NLGN1: variants seen among roughly 807,000 people sequenced by gnomAD.
NLGN1 encodes neuroligin-1.
A neutral mutation model predicts 65.5 loss-of-function variants in NLGN1; 12 were observed. That is an observed-to-expected ratio of 0.18 (90% confidence interval 0.12 to 0.30). The LOEUF is 0.30. Among genes scored for constraint, NLGN1 ranks in the 10% least tolerant of loss-of-function variants. The pLI is 1.00. For synonymous variants in NLGN1, 350 were observed against 359.5 expected, an observed-to-expected ratio of 0.97 and a Z score of 0.30; for missense variants, 750 against 1,007.1, an observed-to-expected ratio of 0.74 and a Z score of 3.46.
In NLGN1 at chr3:174,049,328, A is replaced by G. The variant is rs143508151; in HGVS notation, c.647-225987A>G. 6.3e-3 allele frequency among the ~76,000 whole-genome samples: 960 copies of G among 152,226 alleles called. 23 individuals are homozygous for G. The highest frequency in any genetic ancestry group is 0.039 in the East Asian group (201 of 5,172). ...ATGTTGGATGATGAAAAGGTATTCA[A>G]GATTTTTGAGCCAGTAAGTGGCATG... On this transcript the variant is annotated intron_variant, in intron 4 of 6. Transcript: ENST00000457714.
At chr3:173,650,096 T>A (rs1455208686) in intron 3 of NLGN1, among the ~76,000 whole-genome samples, 1 of 152,080 alleles carries the variant, frequency 6.6e-6, no homozygotes, top group Non-Finnish European at 1.5e-5. Context: ...ACACAAATAG[T>A]GGCATACTGT....
intron 2 of NLGN1, among the ~76,000 whole-genome samples, chr3:173,443,321 A>AC (rs1719560660): frequency 2.3e-4 from 2 of 8,594 alleles, no homozygotes; most frequent in South Asian, 0.011. Context: ...TATATATACT[A>AC]TATATATATA....
intron 2 of NLGN1, among the ~76,000 whole-genome samples, chr3:173,534,162 A>G (rs1737068879): frequency 6.6e-6 from 1 of 152,242 alleles, no homozygotes; most frequent in Admixed American, 6.5e-5. Context: ...CTTCTGGCAC[A>G]TATTAATTCC....
chr3:173,405,090 C>A (rs1718381725), intron 1 of NLGN1, among the ~76,000 whole-genome samples: 2 of 152,106 alleles, frequency 1.3e-5, no homozygotes, highest in African/African-American at 4.8e-5. Context: ...AGAACCTCTT[C>A]TGAATCATTT....
chr3:173,412,951 C>T (rs368827614), intron 1 of NLGN1, among the ~76,000 whole-genome samples: 3 of 152,134 alleles, frequency 2.0e-5, no homozygotes, highest in South Asian at 4.1e-4. Flanking sequence ...TAATTCTCTT[C>T]AAGAAAGTAA....
At chr3:173,605,132 A>AT (rs779829375) in intron 3 of NLGN1, 41 bp downstream of exon 2, 8 of 1,476,142 alleles carry the variant, frequency 5.4e-6, no homozygotes, top group South Asian at 4.1e-5. Flanking sequence ...ATATTTATAT[A>AT]TTTTTTCTAT....
intron 4 of NLGN1, among the ~76,000 whole-genome samples, chr3:173,821,699 G>A (rs1720335029): frequency 6.6e-6 from 1 of 152,022 alleles, no homozygotes; most frequent in African/African-American, 2.4e-5. Context: ...CATGTTTACA[G>A]AGACCACAGA....
Position 173,435,331 on chromosome 3 carries a change from A to G in NLGN1, c.-321+253A>G, listed in dbSNP as rs530891828. On this transcript the variant is annotated intron_variant, in intron 2 of 6. Coordinates refer to ENST00000457714, the Ensembl canonical transcript of NLGN1. ...GTACACTTTTTCTCCTTCTACCCCC[A>G]TAACCTGCCATAGAAAAACTGATTT... 5.3e-5 allele frequency among the ~76,000 whole-genome samples: 8 copies of G among 152,214 alleles called. No homozygotes were observed. The South Asian group carries it at 1.5e-3, about 28-fold the overall frequency.
intron 4 of NLGN1, among the ~76,000 whole-genome samples, chr3:173,823,860 A>G (rs1325656623): frequency 6.6e-6 from 1 of 152,008 alleles, no homozygotes; most frequent in Non-Finnish European, 1.5e-5. Context: ...ATGCTATAAA[A>G]TAATAGAAAT....
intron 2 of NLGN1, among the ~76,000 whole-genome samples, chr3:173,469,830 T>A (rs1287304365): frequency 6.6e-6 from 1 of 151,950 alleles, no homozygotes; most frequent in Admixed American, 6.6e-5. Flanking sequence ...TGGAAGTAAT[T>A]TAAAATTTAT....
In NLGN1 at chr3:174,154,532, A is replaced by C. The variant is rs187003193; in HGVS notation, c.647-120783A>C. Among the ~76,000 whole-genome samples, 156 of 152,200 alleles carry C rather than the reference A, an allele frequency of 1.0e-3. 1 individual carries two copies. Among genetic ancestry groups the C allele is most frequent in the African/African-American group, 3.7e-3 (152 of 41,566 alleles). ...AACCGGAAAGTGTAAATGAAGGATC[A>C]TTGATGAAATGTGTTACAATGAGAG... On this transcript the variant is annotated intron_variant, in intron 4 of 6. Coordinates refer to ENST00000457714, the Ensembl canonical transcript of NLGN1.
intron 4 of NLGN1, among the ~76,000 whole-genome samples, chr3:174,068,421 T>C (rs927835567): frequency 3.3e-5 from 5 of 151,856 alleles, no homozygotes; most frequent in African/African-American, 1.2e-4. Flanking sequence ...CAGCCAGCCA[T>C]AGGCTGAAGT....
intron 4 of NLGN1, among the ~76,000 whole-genome samples, chr3:173,835,944 A>G (rs896188947): frequency 1.1e-4 from 17 of 152,132 alleles, no homozygotes; most frequent in African/African-American, 4.1e-4. Context: ...TGATCCTCAC[A>G]ACCGCACTGT....
intron 3 of NLGN1, among the ~76,000 whole-genome samples, chr3:173,804,955 G>A (rs947278833): frequency 2.0e-5 from 3 of 152,136 alleles, no homozygotes; most frequent in Admixed American, 6.5e-5. Context: ...GAACACTGGA[G>A]GTGGAGGTTG....
chr3:173,573,699 A>AGTTCTTGTTCGTTC (rs1199667188), intron 2 of NLGN1, among the ~76,000 whole-genome samples: 3 of 151,518 alleles, frequency 2.0e-5, no homozygotes, highest in Admixed American at 2.0e-4. Flanking sequence ...TTCCTGGTCT[A>AGTTCTTGTTCGTTC]GTTCTTAGTG....
chr3:174,027,400 A>G (rs1034504263), intron 4 of NLGN1, among the ~76,000 whole-genome samples: 1 of 152,140 alleles, frequency 6.6e-6, no homozygotes, highest in Non-Finnish European at 1.5e-5. Context: ...AACTCTAACC[A>G]CTACTTACCA....
intron 2 of NLGN1, among the ~76,000 whole-genome samples, chr3:173,526,799 C>A (rs567655440): frequency 6.6e-6 from 1 of 152,274 alleles, no homozygotes; most frequent in African/African-American, 2.4e-5. Context: ...TTCATGAGTT[C>A]AATTATTTTA....
intron 4 of NLGN1, among the ~76,000 whole-genome samples, chr3:173,921,097 C>T (rs1367188494): frequency 6.7e-6 from 1 of 150,074 alleles, no homozygotes; most frequent in African/African-American, 2.4e-5. Context: ...TCCTCCAAAG[C>T]AATTTGGAAT....
At chr3:173,887,724 TA>T (rs1250609965) in intron 4 of NLGN1, among the ~76,000 whole-genome samples, 2 of 149,762 alleles carry the variant, frequency 1.3e-5, no homozygotes, top group Non-Finnish European at 3.0e-5. Context: ...AATATACTAG[TA>T]AAACAGTTTT....
Sources: gnomAD v4.1 joint callset for allele counts (sites outside exome capture counted in the v4.1 genomes callset) on GRCh38, gnomAD v4.1.1 for gene constraint, MANE v1.5 for transcripts, NCBI Gene and HGNC (gene_info 2026-07-23, HGNC 2026-07-21) for gene names.